ARHGEF18: variants seen among roughly 807,000 people sequenced by gnomAD.
The protein encoded by ARHGEF18 is rho guanine nucleotide exchange factor 18.
Under a neutral mutation model 155.7 loss-of-function variants are expected in ARHGEF18, and 93 were observed. The observed-to-expected ratio is 0.60, with a 90% CI of 0.50 to 0.71. The LOEUF is 0.71. ARHGEF18 is among the 30% of genes least tolerant of loss of function. ARHGEF18 has a pLI of 0.00. For synonymous variants in ARHGEF18, 742 were observed against 753.1 expected, an observed-to-expected ratio of 0.99 and a Z score of 0.24; for missense variants, 1,593 against 1,816.1, an observed-to-expected ratio of 0.88 and a Z score of 2.23.
chr19:7,469,092 G>A lies in ARHGEF18; in HGVS notation c.3748G>A (p.Gly1250Ser). 4 of 1,608,948 alleles carry A rather than the reference G, an allele frequency of 2.5e-6. No individual in the cohort carries two copies. The highest frequency in any genetic ancestry group is 1.1e-5 in the South Asian group (1 of 90,344). Residue 1250 changes from glycine (G) to serine (S), a missense_variant, in exon 27 of 29, where the codon GGC becomes AGC. Coordinates refer to ENST00000668164, the MANE Select transcript of ARHGEF18 (RefSeq NM_001367823.1). ...CTCCACCAAGGGTGGCAAGGACAAG[G>A]GCGGCAAGAGCAGGGGCTCTCAGCG... is the stretch of plus-strand genomic sequence containing the variant. ...AASTKGGKDKGGKSRGSQRWE... is the reference protein window; with the variant it reads ...AASTKGGKDKSGKSRGSQRWE...
chr19:7,472,629 C>G (rs1977093382), downstream of ARHGEF18, among the ~76,000 whole-genome samples: 1 of 152,230 alleles, frequency 6.6e-6, no homozygotes, highest in Non-Finnish European at 1.5e-5. Flanking sequence ...GCTTAACGCT[C>G]TGAAGACCCC....
intron 10 of ARHGEF18, among the ~76,000 whole-genome samples, chr19:7,415,392 A>C (rs1972945350): frequency 1.3e-5 from 2 of 148,266 alleles, no homozygotes; most frequent in Admixed American, 6.7e-5. Flanking sequence ...GCCACTCTCC[A>C]CCCTGCCCTC....
intron 10 of ARHGEF18, among the ~76,000 whole-genome samples, chr19:7,417,153 A>G (rs1600367780): frequency 6.6e-6 from 1 of 151,622 alleles, no homozygotes; most frequent in Non-Finnish European, 1.5e-5. Flanking sequence ...CAAGTGATCC[A>G]CCCGCCTCAG....
Position 7,372,934 on chromosome 19 carries a change from T to G in ARHGEF18, c.138T>G (p.Pro46=), listed in dbSNP as rs1299703532. The change falls in exon 3 of 29, where the codon CCT becomes CCG. Residue 46 remains proline (P), a synonymous_variant. Coordinates refer to ENST00000668164, the MANE Select transcript of ARHGEF18 (RefSeq NM_001367823.1). ...LGLGAPSHSQ[P]GETPDSRPTG... is the part of the protein sequence containing the mutation. ...TTGGGGCCCCTTCCCACAGCCAGCC[T>G]GGGGAGACCCCAGACAGCCGCCCCA... is the stretch of plus-strand genomic sequence containing the variant. 6 of 1,234,630 alleles carry G rather than the reference T, an allele frequency of 4.9e-6. No individual in the cohort carries two copies. Among genetic ancestry groups the G allele is most frequent in the Non-Finnish European group, 6.1e-6 (6 of 988,370 alleles). 76.5% of individuals were successfully genotyped at this position (1,234,630 alleles called of 1,614,324 possible). A position where few individuals can be genotyped will look rare whatever the true frequency, so the allele number is the denominator to read the frequency against.
intron 2 of ARHGEF18, among the ~76,000 whole-genome samples, chr19:7,368,128 A>G (rs994213683): frequency 6.6e-6 from 1 of 151,754 alleles, no homozygotes; most frequent in Admixed American, 6.6e-5. Context: ...GGGACCAGGG[A>G]CACATTATGC....
At chr19:7,429,171 C>CA (rs36018013) in intron 10 of ARHGEF18, among the ~76,000 whole-genome samples, 86,872 of 151,918 alleles carry the variant, frequency 0.57, 25,119 homozygotes, top group East Asian at 0.75. Flanking sequence ...GTATAGGGTA[C>CA]AAAATGTGGC....
intron 16 of ARHGEF18, among the ~76,000 whole-genome samples, chr19:7,452,037 C>G (rs1276119672): frequency 6.6e-6 from 1 of 152,100 alleles, no homozygotes; most frequent in Non-Finnish European, 1.5e-5. Context: ...TGGCCTGGGG[C>G]TTTTGATACA....
chr19:7,385,765 C>G (rs527798235), intron 10 of ARHGEF18, among the ~76,000 whole-genome samples: 1 of 151,704 alleles, frequency 6.6e-6, no homozygotes, highest in South Asian at 2.1e-4. Context: ...CGTGAGCCAC[C>G]GCGCCTGGCC....
rs1004373273 is a variant in ARHGEF18 at position 7,395,330 on chromosome 19, C to G, written c.967+12127C>G. The G allele has an allele frequency of 2.0e-6, 2 of 984,598 alleles. No individual in the cohort carries two copies. Among genetic ancestry groups the G allele is most frequent in the Non-Finnish European group, 2.4e-6 (2 of 829,274 alleles). The allele number at this position is 984,598 out of a possible 1,614,324, so 61.0% of individuals were successfully genotyped here. ...TCTCTTCAGGGGGTGGCCTGGGGCG[C>G]GGGACCCCCGGGGCTGCCTCGGGCC... On this transcript the variant is annotated intron_variant, in intron 10 of 28. Transcript: ENST00000668164. This position sits in a 1 kb window ranked among gnomAD's most constrained non-coding sequence, Gnocchi z 5.0.
At chr19:7,352,387 C>T (rs968039269) in intron 1 of ARHGEF18, among the ~76,000 whole-genome samples, 1 of 151,718 alleles carries the variant, frequency 6.6e-6, no homozygotes, top group South Asian at 2.1e-4. Flanking sequence ...TTTATTTCCC[C>T]AACATAAGAT....
At chr19:7,389,483 CCTT>C (rs1971270239) in intron 10 of ARHGEF18, among the ~76,000 whole-genome samples, 1 of 131,372 alleles carries the variant, frequency 7.6e-6, no homozygotes, top group African/African-American at 2.8e-5. Context: ...TTCCTTCCTT[CCTT>C]CTTCCTTCCT....
intron 22 of ARHGEF18, 82 bp from the exon 23 acceptor site, chr19:7,464,478 G>T (rs1301301022): frequency 2.0e-6 from 3 of 1,516,742 alleles, no homozygotes; most frequent in Non-Finnish European, 1.8e-6. Context: ...TCCTACCTGG[G>T]CAGGGGCTGG....
intron 10 of ARHGEF18, among the ~76,000 whole-genome samples, chr19:7,432,432 C>T (rs572711388): frequency 2.0e-4 from 30 of 152,254 alleles, no homozygotes; most frequent in Admixed American, 7.2e-4. Flanking sequence ...TGAGACCAGG[C>T]CTTGAAACCG....
downstream of ARHGEF18, among the ~76,000 whole-genome samples, chr19:7,474,478 A>C (rs1977171247): frequency 6.6e-6 from 1 of 152,102 alleles, no homozygotes; most frequent in African/African-American, 2.4e-5. Flanking sequence ...TCCCAGGTTC[A>C]AGTAATTATC....
At chr19:7,368,926 C>T (rs1022062390) in intron 2 of ARHGEF18, among the ~76,000 whole-genome samples, 3 of 149,262 alleles carry the variant, frequency 2.0e-5, no homozygotes, top group East Asian at 2.1e-4. Context: ...AGGAAGAGGA[C>T]GCAGAGGAGG....
intron 15 of ARHGEF18, among the ~76,000 whole-genome samples, chr19:7,450,773 C>A (rs80223435): frequency 0.19 from 210 of 1,134 alleles, 1 homozygote; most frequent in Middle Eastern, 0.5. Flanking sequence ...TCCGTTTCCA[C>A]GGTGTTAATG....
At chr19:7,402,532 G>A (rs75489298) in intron 10 of ARHGEF18, among the ~76,000 whole-genome samples, 4,382 of 152,280 alleles carry the variant, frequency 0.029, 104 homozygotes, top group South Asian at 0.079. Context: ...TGTGTGGTAT[G>A]ATAATTCTAT....
chr19:7,430,634 C>G (rs1431502023), intron 10 of ARHGEF18, among the ~76,000 whole-genome samples: 1 of 151,670 alleles, frequency 6.6e-6, no homozygotes, highest in Admixed American at 6.6e-5. Flanking sequence ...GAGACCCTAT[C>G]TCTATAAAAA....
At chr19:7,450,691 G>C (rs1975353918) in intron 15 of ARHGEF18, among the ~76,000 whole-genome samples, 1 of 152,272 alleles carries the variant, frequency 6.6e-6, no homozygotes, top group African/African-American at 2.4e-5. Context: ...GCGGGATCTT[G>C]CTGTCCGTTT....
Sources: gnomAD v4.1 joint callset for allele counts (sites outside exome capture counted in the v4.1 genomes callset) on GRCh38, gnomAD v4.1.1 for gene constraint, Gnocchi (gnomAD v3.1) non-coding constraint, MANE v1.5 for transcripts, NCBI Gene and HGNC (gene_info 2026-07-23, HGNC 2026-07-21) for gene names.